EPHB2: variants seen among roughly 807,000 people sequenced by gnomAD.
The protein encoded by EPHB2 is ephrin type-B receptor 2.
Under a neutral mutation model 96.4 loss-of-function variants are expected in EPHB2, and 18 were observed. The ratio of observed to expected loss-of-function variants is 0.19; its 90% CI spans 0.13 to 0.28. The LOEUF (loss-of-function observed/expected upper bound fraction) is 0.28, where lower values mean the gene tolerates loss of function less well. Ranked by LOEUF, EPHB2 falls within the 10% of genes least tolerant of loss-of-function variation. The pLI is 1.00. For missense variants in EPHB2, 989 were observed against 1,355.4 expected (o/e 0.73, Z 4.25); for synonymous variants, 506 against 534.1 (o/e 0.95, Z 0.72).
chr1:22,711,497 G>T (rs927569634), intron 1 of EPHB2, among the ~76,000 whole-genome samples: 1 of 151,154 alleles, frequency 6.6e-6, no homozygotes, highest in African/African-American at 2.4e-5. Context: ...AGGCACCGCG[G>T]CCGGCCGGGG....
At chr1:22,912,751 T>C in intron 15 of EPHB2, 152 bp downstream of exon 15, 1 of 1,099,072 alleles carries the variant, frequency 9.1e-7, no homozygotes, top group Non-Finnish European at 1.3e-6. Flanking sequence ...TGGAGTCACC[T>C]GTGGACTGAT....
At chr1:22,868,359 A>G (rs1176836703) in intron 5 of EPHB2, among the ~76,000 whole-genome samples, 1 of 152,190 alleles carries the variant, frequency 6.6e-6, no homozygotes, top group East Asian at 1.9e-4. Flanking sequence ...GCTGCATGAC[A>G]TTAGCAAATG....
chr1:22,784,653 T>A lies in EPHB2; in HGVS notation c.388T>A (p.Trp130Arg), dbSNP rs771019728. 6.2e-7 allele frequency: 1 copy of A among 1,614,004 alleles called. No individual in the cohort carries two copies. Residue 130 changes from tryptophan (W) to arginine (R), a missense_variant, in exon 3 of 16, where the codon TGG becomes AGG. By Grantham distance (101) the Trp-to-Arg change is moderately radical. Transcript: ENST00000374630. This position sits in a 1 kb window ranked among gnomAD's most constrained non-coding sequence, Gnocchi z 5.1. ...CTCGGCCACCAAGACCTTCCCCAACTGGATGGAGAATCCATGGGTGAAGGT... is the reference window on the plus strand; with the variant it reads ...CTCGGCCACCAAGACCTTCCCCAACAGGATGGAGAATCCATGGGTGAAGGT... ...FDSATKTFPNWMENPWVKVDT... is the reference protein window; with the variant it reads ...FDSATKTFPNRMENPWVKVDT...
At chr1:22,730,941 CGGT>C (rs1190478185) in intron 1 of EPHB2, among the ~76,000 whole-genome samples, 4 of 151,994 alleles carry the variant, frequency 2.6e-5, no homozygotes, top group Non-Finnish European at 5.9e-5. Flanking sequence ...AGGCACGAGA[CGGT>C]GGTGGCTGGA....
At position 22,764,888 on chromosome 1, in the gene EPHB2, A is replaced by G. The variant is rs540729148; in HGVS notation, c.62-16533A>G. Among the ~76,000 whole-genome samples, 338 of 152,326 alleles carry G rather than the reference A, an allele frequency of 2.2e-3. 3 individuals are homozygous for G. The highest frequency in any genetic ancestry group is 7.9e-3 in the African/African-American group (328 of 41,578). The stretch of plus-strand genomic sequence containing the variant: ...CCCCTGCGACTCGCTCCAGTGGCAG[A>G]TACAAGAACTGCTTGATGGGGTTTC... On this transcript the variant is annotated intron_variant, in intron 1 of 15. Coordinates refer to ENST00000374630, the MANE Select transcript of EPHB2 (RefSeq NM_017449.5).
In EPHB2 at chr1:22,837,379, C is replaced by T. The variant is rs543479723; in HGVS notation, c.812-25658C>T. Among the ~76,000 whole-genome samples the T allele has an allele frequency of 3.3e-5, 5 of 152,014 alleles. No homozygotes were observed. In the East Asian group the frequency reaches 5.8e-4, roughly 18 times the overall value. On this transcript the variant is annotated intron_variant, in intron 3 of 15. Coordinates refer to ENST00000374630, the MANE Select transcript of EPHB2 (RefSeq NM_017449.5). ...TTCCTTGTGCTGGCCAGCTGCTGTG[C>T]GGGGTGGGGAGGATGTGATGTTTAC...
Position 22,916,359 on chromosome 1 carries a change from C to T in EPHB2, c.*2789C>T, listed in dbSNP as rs1014749280. 1.3e-5 allele frequency: 2 copies of T among 152,362 alleles called. No homozygotes were observed. Among genetic ancestry groups the T allele is most frequent in the Non-Finnish European group, 2.9e-5 (2 of 68,154 alleles). 9.4% of individuals were successfully genotyped at this position (152,362 alleles called of 1,614,324 possible). On this transcript the variant is annotated 3_prime_UTR_variant, in exon 16 of 16. Transcript: ENST00000374630. The surrounding 1 kb of genome is among the most constrained non-coding windows in gnomAD (Gnocchi z 4.2). ...CCCCTCCACCCTCCAGGGCCGAGGT[C>T]CTCAGTGGCCATGGCCCCCTGCAAA...
chr1:22,805,938 G>A (rs553133573), intron 3 of EPHB2, among the ~76,000 whole-genome samples: 4 of 152,260 alleles, frequency 2.6e-5, no homozygotes, highest in African/African-American at 9.6e-5. Flanking sequence ...CCATTCCCAG[G>A]ACTCTGGAGG....
At chr1:22,782,955 C>T (rs561278790) in intron 2 of EPHB2, among the ~76,000 whole-genome samples, 4 of 152,276 alleles carry the variant, frequency 2.6e-5, no homozygotes, top group Admixed American at 1.3e-4. Context: ...ATCTGAGTGG[C>T]ACAGGATAAA....
chr1:22,903,354 A>G (rs966785258), intron 9 of EPHB2, among the ~76,000 whole-genome samples: 1 of 152,236 alleles, frequency 6.6e-6, no homozygotes, highest in African/African-American at 2.4e-5. Context: ...ATTGAGTCTG[A>G]GCAAGCAAGA....
At chr1:22,842,333 AG>A (rs1208368644) in intron 3 of EPHB2, among the ~76,000 whole-genome samples, 3 of 152,198 alleles carry the variant, frequency 2.0e-5, no homozygotes, top group Non-Finnish European at 4.4e-5. Flanking sequence ...AGGATAACAC[AG>A]CATCTCACTC....
At chr1:22,849,873 G>C (rs978862493) in intron 3 of EPHB2, among the ~76,000 whole-genome samples, 1 of 152,214 alleles carries the variant, frequency 6.6e-6, no homozygotes, top group Non-Finnish European at 1.5e-5. Context: ...CACTGAAAAA[G>C]TTCACAGGTG....
chr1:22,788,743 T>C (rs1644647333), intron 3 of EPHB2, among the ~76,000 whole-genome samples: 1 of 97,050 alleles, frequency 1.0e-5, no homozygotes, highest in South Asian at 3.6e-4. Context: ...TTTTTTTGTC[T>C]TTTGTTTTTG....
At chr1:22,767,242 A>G (rs1196063199) in intron 1 of EPHB2, among the ~76,000 whole-genome samples, 2 of 152,188 alleles carry the variant, frequency 1.3e-5, no homozygotes, top group Admixed American at 6.5e-5. Context: ...GAGAAGGGGC[A>G]TCTAACTCAA....
At chr1:22,737,009 C>T (rs1021303685) in intron 1 of EPHB2, among the ~76,000 whole-genome samples, 2 of 152,128 alleles carry the variant, frequency 1.3e-5, no homozygotes, top group Admixed American at 6.5e-5. Flanking sequence ...CAGGTGTCTG[C>T]GAATCCAGCC....
At chr1:22,740,363 A>G (rs745584100) in intron 1 of EPHB2, among the ~76,000 whole-genome samples, 15 of 152,192 alleles carry the variant, frequency 9.9e-5, no homozygotes, top group Non-Finnish European at 1.5e-4. Flanking sequence ...GTCCTACCCA[A>G]TCAGGGTGTT....
intron 2 of EPHB2, among the ~76,000 whole-genome samples, chr1:22,783,685 C>T (rs1347442501): frequency 6.6e-6 from 1 of 152,214 alleles, no homozygotes; most frequent in East Asian, 1.9e-4. Flanking sequence ...TTTCCACCAC[C>T]TGGCCCAGCC....
intron 3 of EPHB2, among the ~76,000 whole-genome samples, chr1:22,789,182 C>A (rs184583828): frequency 9.7e-4 from 148 of 152,342 alleles, no homozygotes; most frequent in African/African-American, 3.5e-3. Flanking sequence ...GGACACTAGC[C>A]CAGCCCCAAC....
intron 5 of EPHB2, among the ~76,000 whole-genome samples, chr1:22,878,967 C>T (rs996990696): frequency 3.9e-5 from 6 of 152,342 alleles, no homozygotes; most frequent in South Asian, 2.1e-4. Context: ...TGCTGTAAGA[C>T]AGCAGCACGC....
Sources: gnomAD v4.1 joint callset for allele counts (sites outside exome capture counted in the v4.1 genomes callset) on GRCh38, gnomAD v4.1.1 for gene constraint, Gnocchi (gnomAD v3.1) non-coding constraint, MANE v1.5 for transcripts, NCBI Gene and HGNC (gene_info 2026-07-23, HGNC 2026-07-21) for gene names.